Variants in SCN4A observed in about 807,000 individuals in gnomAD.
The protein encoded by SCN4A is sodium channel protein type 4 subunit alpha.
Under a neutral mutation model 162.0 loss-of-function variants are expected in SCN4A, and 83 were observed. The observed-to-expected ratio is 0.51, with a 90% CI of 0.43 to 0.61. The LOEUF (loss-of-function observed/expected upper bound fraction) is 0.61. SCN4A is among the 20% of genes least tolerant of loss of function. SCN4A has a pLI of 0.00. For synonymous variants in SCN4A, 944 were observed against 985.1 expected (o/e 0.96, Z 0.78); for missense variants, 2,196 against 2,462.5 (o/e 0.89, Z 2.29).
rs541164399 is a variant in SCN4A, at chr17:63,964,605, T to A, written c.1315A>T (p.Ile439Phe). The A allele has an allele frequency of 6.2e-7, 1 of 1,613,682 alleles. No individual in the cohort carries two copies. Among genetic ancestry groups the A allele is most frequent in the Non-Finnish European group, 8.5e-7 (1 of 1,179,804 alleles). Reference protein sequence around the residue: ...VIIFLGSFYLINLILAVVAMA... With the variant: ...VIIFLGSFYLFNLILAVVAMA... ...GCCACCACGGCCAGGATCAGATTGATGAGGTAGAAAGAGCCCAGGAAGATG... is the reference window on the plus strand; with the variant it reads ...GCCACCACGGCCAGGATCAGATTGAAGAGGTAGAAAGAGCCCAGGAAGATG... Residue 439 changes from isoleucine (I) to phenylalanine (F), a missense_variant, in exon 9 of 24, where the codon ATC (isoleucine) becomes TTC (phenylalanine). By Grantham distance (21) the Ile-to-Phe change is conservative. Coordinates refer to ENST00000435607, the MANE Select transcript of SCN4A (RefSeq NM_000334.4).
chr17:63,942,079 G>A (rs1238878695), intron 23 of SCN4A, 86 bp from the exon 24 acceptor site: 17 of 1,293,088 alleles, frequency 1.3e-5, no homozygotes, highest in East Asian at 1.3e-4. Context: ...CAGGGGGCCC[G>A]GCCTGGTGTG....
At position 63,968,307 on chromosome 17, in the gene SCN4A, G is replaced by C; in HGVS notation, c.752C>G (p.Ser251Trp). 1 of 1,610,606 alleles carries C rather than the reference G, an allele frequency of 6.2e-7. No homozygotes were observed. ...GALIQSVKKL[S>W]DVMILTVFCL... ...GAAGACAGTGAGGATCATCACATCCGACAGCTTTTTCACCGACTGGATCAG... is the reference window on the plus strand; with the variant it reads ...GAAGACAGTGAGGATCATCACATCCCACAGCTTTTTCACCGACTGGATCAG... The change falls in exon 6 of 24, where the codon TCG becomes TGG. Residue 251 changes from serine (S) to tryptophan (W), a missense_variant. Ser to Trp is a radical substitution (Grantham distance 177, BLOSUM62 -3). Transcript: ENST00000435607.
chr17:63,945,224 T>A lies in SCN4A; in HGVS notation c.3720+136A>T. 1.0e-6 allele frequency: 1 copy of A among 997,484 alleles called. No individual in the cohort carries two copies. Among genetic ancestry groups the A allele is most frequent in the Non-Finnish European group, 1.5e-6 (1 of 661,144 alleles). 61.8% of individuals were successfully genotyped at this position (997,484 alleles called of 1,614,324 possible). A position where few individuals can be genotyped will look rare whatever the true frequency, so the allele number is the denominator to read the frequency against. ...AGACCAGAGAGGTCTAGACACTGCCTGGGGATCCCACAGCATTGGAAGCAG... is the reference window on the plus strand; with the variant it reads ...AGACCAGAGAGGTCTAGACACTGCCAGGGGATCCCACAGCATTGGAAGCAG... On this transcript the variant is annotated intron_variant, in intron 19 of 23. Transcript: ENST00000435607. The surrounding 1 kb of genome is among the most constrained non-coding windows in gnomAD (Gnocchi z 4.4).
chr17:63,953,156 C>T (rs1908966286), intron 13 of SCN4A, among the ~76,000 whole-genome samples: 1 of 152,082 alleles, frequency 6.6e-6, no homozygotes, highest in Non-Finnish European at 1.5e-5. Flanking sequence ...GTCAGGAGAT[C>T]AAGACAATCC....
At chr17:63,967,495 A>T (rs1367641787) in intron 6 of SCN4A, among the ~76,000 whole-genome samples, 2 of 151,976 alleles carry the variant, frequency 1.3e-5, no homozygotes, top group East Asian at 3.9e-4. Context: ...TGCTGCAGTA[A>T]CCCTTTGAGG....
intron 9 of SCN4A, 103 bp downstream of exon 9, chr17:63,964,365 G>T (rs1279177655): frequency 1.1e-5 from 11 of 1,018,070 alleles, no homozygotes; most frequent in Non-Finnish European, 1.6e-5. Context: ...CCCTACCCCT[G>T]TACCCTCCCT....
At position 63,961,214 on chromosome 17, in the gene SCN4A, G is replaced by A; in HGVS notation, c.1824C>T (p.Asn608=). 2 of 1,214,626 alleles carry A rather than the reference G, an allele frequency of 1.6e-6. No individual in the cohort carries two copies. The highest frequency in any genetic ancestry group is 2.4e-5 in the South Asian group (2 of 84,250). The allele number at this position is 1,214,626 out of a possible 1,614,324, so 75.2% of individuals were successfully genotyped here. ...CTACCAGGTTGCCCACAGTGAGCAC[G>A]TTGTCAAAGTGCTCCGTCATGGGGT... ...EHYPMTEHFD[N]VLTVGNLVFT... is the part of the protein sequence containing the mutation. The change falls in exon 11 of 24, where the codon AAC becomes AAT. Residue 608 remains asparagine (N), a synonymous_variant. Transcript: ENST00000435607.
chr17:63,957,567 C>A, intron 12 of SCN4A, 49 bp from the exon 13 acceptor site: 1 of 1,311,454 alleles, frequency 7.6e-7, no homozygotes. Flanking sequence ...GACCACCACC[C>A]AAGGCAGCCC....
intron 6 of SCN4A, 95 bp from the exon 7 acceptor site, chr17:63,966,639 G>C: frequency 1.1e-6 from 1 of 903,808 alleles, no homozygotes; most frequent in Non-Finnish European, 1.8e-6. Flanking sequence ...AGGTCTGCGC[G>C]TACCACATAA....
Position 63,950,371 on chromosome 17 carries a change from T to C in SCN4A, c.2854-843A>G, listed in dbSNP as rs929461558. 1.1e-4 allele frequency among the ~76,000 whole-genome samples: 17 copies of C among 152,084 alleles called. No individual in the cohort carries two copies. The highest frequency in any genetic ancestry group is 1.0e-4 in the Non-Finnish European group (7 of 68,008). On this transcript the variant is annotated intron_variant, in intron 14 of 23. Coordinates refer to ENST00000435607, the MANE Select transcript of SCN4A (RefSeq NM_000334.4). This position sits in a 1 kb window ranked among gnomAD's most constrained non-coding sequence, Gnocchi z 4.6. ...GCATCCACTGAGTTGCTTGCCCCGATTGTGCACTCAACTCCCTAAATCTCC... is the reference window on the plus strand; with the variant it reads ...GCATCCACTGAGTTGCTTGCCCCGACTGTGCACTCAACTCCCTAAATCTCC...
intron 6 of SCN4A, among the ~76,000 whole-genome samples, chr17:63,967,602 T>TA (rs1480534254): frequency 6.6e-6 from 1 of 152,106 alleles, no homozygotes; most frequent in African/African-American, 2.4e-5. Flanking sequence ...GTGCTAGCTT[T>TA]AAGCTCAGGT....
intron 7 of SCN4A, 82 bp downstream of exon 7, chr17:63,966,399 C>A: frequency 7.0e-7 from 1 of 1,425,476 alleles, no homozygotes. Context: ...CACTCCCATG[C>A]CCCCCAGGTC....
chr17:63,953,285 G>C (rs976807590), intron 13 of SCN4A, among the ~76,000 whole-genome samples: 1 of 151,894 alleles, frequency 6.6e-6, no homozygotes, highest in Non-Finnish European at 1.5e-5. Context: ...GCTTGAACCC[G>C]GGAGGTGGAG....
rs75086141 is a variant in SCN4A at position 63,972,624 on chromosome 17, G to A, written c.218C>T (p.Pro73Leu). The A allele has an allele frequency of 8.3e-5, 133 of 1,607,950 alleles. No homozygotes were observed. The African/African-American group carries it at 1.1e-3, about 13-fold the overall frequency. The change falls in exon 1 of 24, where the codon CCG becomes CTG. Residue 73 changes from proline to leucine, a missense_variant. Coordinates refer to ENST00000435607, the MANE Select transcript of SCN4A (RefSeq NM_000334.4). This position sits in a 1 kb window ranked among gnomAD's most constrained non-coding sequence, Gnocchi z 4.3. ...CTCCAGGGGGATGCCGATGACCTCC[G>A]GCGGGGGGTCTCCGTAGATCATGGG... ...NLPMIYGDPP[P>L]EVIGIPLEDL... is the part of the protein sequence containing the mutation.
In SCN4A at chr17:63,950,463, G is replaced by T. The variant is rs1020848809; in HGVS notation, c.2854-935C>A. Among the ~76,000 whole-genome samples the T allele has an allele frequency of 6.6e-6, 1 of 152,162 alleles. No individual in the cohort carries two copies. Among genetic ancestry groups the T allele is most frequent in the Non-Finnish European group, 1.5e-5 (1 of 68,026 alleles). The stretch of plus-strand genomic sequence containing the variant: ...CCGGCCCCGGCCCCGGGGAGCCTGG[G>T]ACTTTGGTGCTCTCCAGCTCCCCCG... On this transcript the variant is annotated intron_variant, in intron 14 of 23. Coordinates refer to ENST00000435607, the MANE Select transcript of SCN4A (RefSeq NM_000334.4). This position sits in a 1 kb window ranked among gnomAD's most constrained non-coding sequence, Gnocchi z 4.6.
rs1470682459 is a variant in SCN4A at position 63,947,058 on chromosome 17, A to T, written c.3428T>A (p.Phe1143Tyr). ...TTCAGCACCCACCCTCATGCCCTCG[A>T]ATCGGGACAGTGCCCTCAGGGGACG... ...ALRPLRALSR[F>Y]EGMRVVVNAL... The change falls in exon 18 of 24, where the codon TTC becomes TAC. Residue 1143 changes from phenylalanine (F) to tyrosine (Y), a missense_variant. By Grantham distance (22) the Phe-to-Tyr change is conservative (BLOSUM62 3). Transcript: ENST00000435607. The T allele has an allele frequency of 6.6e-6, 10 of 1,506,084 alleles. No individual in the cohort carries two copies. The highest frequency in any genetic ancestry group is 9.0e-6 in the Non-Finnish European group (10 of 1,114,314). The allele number at this position is 1,506,084 out of a possible 1,614,324, so 93.3% of individuals were successfully genotyped here.
At chr17:63,949,860 G>C (rs1290893628) in intron 14 of SCN4A, among the ~76,000 whole-genome samples, 3 of 151,576 alleles carry the variant, frequency 2.0e-5, no homozygotes, top group Non-Finnish European at 2.9e-5. Context: ...GGCATGGGGG[G>C]CCTGAAGGTA....
chr17:63,944,569 G>A lies in SCN4A; in HGVS notation c.3912+104C>T. 1 of 1,299,066 alleles carries A rather than the reference G, an allele frequency of 7.7e-7. No individual in the cohort carries two copies. The highest frequency in any genetic ancestry group is 1.9e-4 in the Middle Eastern group (1 of 5,306). The allele number at this position is 1,299,066 out of a possible 1,614,324, so 80.5% of individuals were successfully genotyped here. A position where few individuals can be genotyped will look rare whatever the true frequency, so the allele number is the denominator to read the frequency against. On this transcript the variant is annotated intron_variant, in intron 21 of 23. Transcript: ENST00000435607. The surrounding 1 kb of genome is among the most constrained non-coding windows in gnomAD (Gnocchi z 4.3). ...AGCTGCCTGAACCAACAACCTGGTA[G>A]GTGCTCAGGCAGCGTTTGTGGGTTT...
intron 5 of SCN4A, 24 bp from the exon 6 acceptor site, chr17:63,968,379 A>G (rs372480164): frequency 3.8e-5 from 59 of 1,564,742 alleles, no homozygotes; most frequent in Non-Finnish European, 4.7e-5. Context: ...GGGCAAGGAT[A>G]TTGGCAGGGG....
Sources: gnomAD v4.1 joint callset for allele counts (sites outside exome capture counted in the v4.1 genomes callset) on GRCh38, gnomAD v4.1.1 for gene constraint, Gnocchi (gnomAD v3.1) non-coding constraint, MANE v1.5 for transcripts, NCBI Gene and HGNC (gene_info 2026-07-23, HGNC 2026-07-21) for gene names.